FGF14: variants seen among roughly 807,000 people sequenced by gnomAD.
FGF14 encodes the protein fibroblast growth factor homologous factor 4.
A neutral mutation model predicts 25.5 loss-of-function variants in FGF14; 5 were observed. The ratio of observed to expected loss-of-function variants is 0.20; its 90% CI spans 0.10 to 0.41. The LOEUF (loss-of-function observed/expected upper bound fraction) is 0.41, where lower values mean the gene tolerates loss of function less well. FGF14 is among the 10% of genes least tolerant of loss of function. FGF14 has a pLI of 1.00. For synonymous variants in FGF14, 138 were observed against 118.3 expected (o/e 1.17, Z -1.08); for missense variants, 222 against 320.1 (o/e 0.69, Z 2.34).
At chr13:102,105,337 G>A (rs1422825625) in intron 1 of FGF14, among the ~76,000 whole-genome samples, 1 of 152,104 alleles carries the variant, frequency 6.6e-6, no homozygotes, top group Admixed American at 6.5e-5. Flanking sequence ...GAAATAATTA[G>A]GCATTTTTCC....
At chr13:102,040,967 C>A (rs756739635) in intron 1 of FGF14, among the ~76,000 whole-genome samples, 1 of 151,964 alleles carries the variant, frequency 6.6e-6, no homozygotes, top group Admixed American at 6.6e-5. Context: ...GATTGGTGCA[C>A]CTGTTGAGGC....
chr13:101,903,890 G>A (rs1594668738), intron 1 of FGF14, among the ~76,000 whole-genome samples: 1 of 152,176 alleles, frequency 6.6e-6, no homozygotes, highest in Non-Finnish European at 1.5e-5. Context: ...GAGTACAGGT[G>A]CAATTTTGTT....
intron 1 of FGF14, among the ~76,000 whole-genome samples, chr13:102,074,688 C>T (rs1424988538): frequency 2.0e-5 from 3 of 152,100 alleles, no homozygotes; most frequent in Admixed American, 2.0e-4. Context: ...AAATCCTCAA[C>T]AAAATATCAC....
intron 1 of FGF14, among the ~76,000 whole-genome samples, chr13:102,163,887 T>G (rs2047888117): frequency 6.6e-6 from 1 of 152,082 alleles, no homozygotes; most frequent in Admixed American, 6.6e-5. Flanking sequence ...AAGTGAAGCA[T>G]GGAAAGATGG....
intron 1 of FGF14, among the ~76,000 whole-genome samples, chr13:102,044,179 A>G (rs1368841758): frequency 6.6e-6 from 1 of 152,184 alleles, no homozygotes; most frequent in East Asian, 1.9e-4. Flanking sequence ...CTGACTGGCC[A>G]CTGACATCCC....
intron 1 of FGF14, among the ~76,000 whole-genome samples, chr13:101,997,114 C>T (rs1415932335): frequency 2.6e-5 from 4 of 152,222 alleles, no homozygotes; most frequent in Non-Finnish European, 4.4e-5. Flanking sequence ...GCAGTTTTCA[C>T]CACCAGTCTT....
chr13:101,927,858 GCTCA>G (rs2034475372), intron 1 of FGF14, among the ~76,000 whole-genome samples: 1 of 152,124 alleles, frequency 6.6e-6, no homozygotes, highest in Non-Finnish European at 1.5e-5. Context: ...CACCACAGGT[GCTCA>G]GTCAGTGTTT....
At chr13:101,931,625 G>A (rs886516789) in intron 1 of FGF14, among the ~76,000 whole-genome samples, 11 of 152,062 alleles carry the variant, frequency 7.2e-5, no homozygotes, top group African/African-American at 2.7e-4. Context: ...ACTGTGCTTG[G>A]CCCACAGAAG....
chr13:101,946,647 G>C (rs1439204480), intron 1 of FGF14, among the ~76,000 whole-genome samples: 1 of 152,126 alleles, frequency 6.6e-6, no homozygotes, highest in East Asian at 1.9e-4. Flanking sequence ...GCAACTTCTG[G>C]CACCATGAAC....
chr13:101,757,036 G>C (rs550440677), intron 3 of FGF14, among the ~76,000 whole-genome samples: 3 of 152,086 alleles, frequency 2.0e-5, no homozygotes. Flanking sequence ...ATATCAAACC[G>C]AGAGATTTTA....
At chr13:101,740,884 C>G (rs1566841113) in intron 3 of FGF14, among the ~76,000 whole-genome samples, 2 of 152,084 alleles carry the variant, frequency 1.3e-5, no homozygotes, top group South Asian at 2.1e-4. Context: ...CAAAGACAAA[C>G]CACATATTGT....
chr13:101,924,059 T>C (rs1444307326), intron 1 of FGF14, among the ~76,000 whole-genome samples: 1 of 152,090 alleles, frequency 6.6e-6, no homozygotes, highest in Admixed American at 6.6e-5. Context: ...AAATCAGTAG[T>C]GGAAGATTAA....
intron 1 of FGF14, among the ~76,000 whole-genome samples, chr13:102,099,978 CAT>C (rs1016215125): frequency 9.9e-5 from 15 of 152,100 alleles, no homozygotes; most frequent in African/African-American, 3.4e-4. Flanking sequence ...AAATTAGACT[CAT>C]GTCTTAAATT....
At chr13:102,189,409 G>C (rs536181240) in intron 1 of FGF14, among the ~76,000 whole-genome samples, 2 of 152,250 alleles carry the variant, frequency 1.3e-5, no homozygotes, top group Non-Finnish European at 2.9e-5. Context: ...TTTATGAAAA[G>C]AATTCCACTT....
At chr13:102,129,777 G>A (rs1234930358) in intron 1 of FGF14, among the ~76,000 whole-genome samples, 2 of 152,052 alleles carry the variant, frequency 1.3e-5, no homozygotes, top group Non-Finnish European at 2.9e-5. Flanking sequence ...CATGGCACAT[G>A]TATACATATG....
At chr13:102,047,592 C>T (rs1372325427) in intron 1 of FGF14, among the ~76,000 whole-genome samples, 3 of 152,186 alleles carry the variant, frequency 2.0e-5, no homozygotes, top group African/African-American at 7.2e-5. Context: ...AAAAACCAAA[C>T]ACCGCATATT....
rs867789996 is a variant in FGF14 at position 102,143,176 on chromosome 13, C to T, written c.208+258295G>A. Among the ~76,000 whole-genome samples the T allele has an allele frequency of 9.2e-5, 14 of 152,242 alleles. 1 individual carries two copies. The highest frequency in any genetic ancestry group is 6.8e-3 in the Middle Eastern group (2 of 294). On this transcript the variant is annotated intron_variant, in intron 1 of 4. Coordinates refer to the FGF14 transcript ENST00000376131. Reference sequence around the variant, plus strand: ...TAAGAATCCTTTTTAAGAAACAGCACGTCTCAATCTGAGCCAGAGGGTAGA... The same window carrying T: ...TAAGAATCCTTTTTAAGAAACAGCATGTCTCAATCTGAGCCAGAGGGTAGA...
At chr13:102,074,350 T>C (rs2043272982) in intron 1 of FGF14, among the ~76,000 whole-genome samples, 1 of 152,152 alleles carries the variant, frequency 6.6e-6, no homozygotes, top group African/African-American at 2.4e-5. Context: ...ACACATTTGT[T>C]CCTGGGGGAA....
chr13:102,169,332 T>C (rs551820942), intron 1 of FGF14, among the ~76,000 whole-genome samples: 1 of 152,182 alleles, frequency 6.6e-6, no homozygotes, highest in African/African-American at 2.4e-5. Flanking sequence ...TAACACCTGG[T>C]TATCCCCCGT....
Sources: gnomAD v4.1 joint callset for allele counts (sites outside exome capture counted in the v4.1 genomes callset) on GRCh38, gnomAD v4.1.1 for gene constraint, MANE v1.5 for transcripts, NCBI Gene and HGNC (gene_info 2026-07-23, HGNC 2026-07-21) for gene names.